The following GALNT10 variants were observed in gnomAD, a reference collection of about 807,000 sequenced individuals.
GALNT10 encodes GalNAc transferase 10.
Under a neutral mutation model 75.0 loss-of-function variants are expected in GALNT10, and 41 were observed. That is an observed-to-expected ratio of 0.55 (90% CI 0.43 to 0.71). GALNT10 has a LOEUF of 0.71. GALNT10 is among the 30% of genes least tolerant of loss of function. The pLI is 0.00. For synonymous variants in GALNT10, 302 were observed against 313.0 expected, an observed-to-expected ratio of 0.96 and a Z score of 0.37; for missense variants, 727 against 818.5, an observed-to-expected ratio of 0.89 and a Z score of 1.36.
intron 4 of GALNT10, among the ~76,000 whole-genome samples, chr5:154,355,247 T>TC (rs545079097): frequency 2.0e-5 from 3 of 151,978 alleles, no homozygotes; most frequent in East Asian, 1.9e-4. Flanking sequence ...TTCCTGCTCC[T>TC]CCCCCCTCAC....
intron 1 of GALNT10, among the ~76,000 whole-genome samples, chr5:154,233,736 C>T (rs1753201196): frequency 1.3e-5 from 2 of 152,156 alleles, no homozygotes; most frequent in South Asian, 4.1e-4. Context: ...CTGTGCTAGG[C>T]CCTGAGGATA....
intron 4 of GALNT10, among the ~76,000 whole-genome samples, chr5:154,333,248 G>A (rs545949998): frequency 1.3e-5 from 2 of 152,290 alleles, no homozygotes; most frequent in South Asian, 4.1e-4. Flanking sequence ...GCCTGGAGCA[G>A]TAGGCAGACT....
intron 4 of GALNT10, among the ~76,000 whole-genome samples, chr5:154,354,033 G>A (rs116153595): frequency 0.01 from 1,561 of 152,314 alleles, 24 homozygotes; most frequent in African/African-American, 0.036. Context: ...TTGAGTACTT[G>A]AATCGCAACC....
chr5:154,395,994 TG>T (rs766978774), intron 7 of GALNT10, among the ~76,000 whole-genome samples: 2 of 151,862 alleles, frequency 1.3e-5, no homozygotes, highest in Non-Finnish European at 2.9e-5. Flanking sequence ...AATGAATAGG[TG>T]GGAGGTTGTG....
intron 1 of GALNT10, among the ~76,000 whole-genome samples, chr5:154,281,564 C>T (rs2113054903): frequency 6.6e-6 from 1 of 152,290 alleles, no homozygotes; most frequent in Non-Finnish European, 1.5e-5. Context: ...TAAGGTCCTG[C>T]TCTTCATAAA....
chr5:154,312,921 T>C (rs1164579746), intron 3 of GALNT10, among the ~76,000 whole-genome samples: 1 of 152,216 alleles, frequency 6.6e-6, no homozygotes, highest in Non-Finnish European at 1.5e-5. Flanking sequence ...AGCTTGAGTA[T>C]GTGGAATATA....
intron 1 of GALNT10, among the ~76,000 whole-genome samples, chr5:154,267,041 A>G (rs1437916164): frequency 6.6e-6 from 1 of 152,186 alleles, no homozygotes; most frequent in East Asian, 1.9e-4. Context: ...ATGCCTTTGT[A>G]TGGTCTTTCA....
chr5:154,343,218 A>T lies in GALNT10; in HGVS notation c.568+13480A>T, dbSNP rs1032478334. Among the ~76,000 whole-genome samples, 8 of 151,034 alleles carry T rather than the reference A, an allele frequency of 5.3e-5. No individual in the cohort carries two copies. In the East Asian group the frequency reaches 1.6e-3, roughly 29 times the overall value. ...CAGTTCTGGGACCCTGAGCTGAGAA[A>T]CTCTGCCTTCAGATGTTACTGCTGG... On this transcript the variant is annotated intron_variant, in intron 4 of 11. Transcript: ENST00000297107.
chr5:154,377,120 C>T (rs560832231), intron 5 of GALNT10, among the ~76,000 whole-genome samples: 1 of 152,286 alleles, frequency 6.6e-6, no homozygotes, highest in African/African-American at 2.4e-5. Flanking sequence ...GAGAGGGCAG[C>T]GTGATCCACT....
At position 154,369,730 on chromosome 5, in the gene GALNT10, G is replaced by A. The variant is rs370025694; in HGVS notation, c.569-6547G>A. Among the ~76,000 whole-genome samples the A allele has an allele frequency of 3.0e-4, 45 of 152,250 alleles. 1 individual carries two copies. In the South Asian group the frequency reaches 7.9e-3, roughly 27 times the overall value. On this transcript the variant is annotated intron_variant, in intron 4 of 11. Transcript: ENST00000297107. ...GCAGAGCCAAGATTTGACAAGACCC[G>A]GGACACCTACAGGTCCCAGAGCCAG... is the stretch of plus-strand genomic sequence containing the variant.
At chr5:154,245,856 G>A (rs561405002) in intron 1 of GALNT10, among the ~76,000 whole-genome samples, 1 of 149,334 alleles carries the variant, frequency 6.7e-6, no homozygotes, top group South Asian at 2.1e-4. Context: ...TGTGCACAAC[G>A]TGCAGGTTTG....
At chr5:154,341,664 A>G (rs1260928188) in intron 4 of GALNT10, among the ~76,000 whole-genome samples, 1 of 152,240 alleles carries the variant, frequency 6.6e-6, no homozygotes, top group Non-Finnish European at 1.5e-5. Context: ...GCAAGAGGAA[A>G]GACTAGCCCT....
chr5:154,264,313 CAAAAAAAA>C (rs372645621), intron 1 of GALNT10, among the ~76,000 whole-genome samples: 27 of 105,190 alleles, frequency 2.6e-4, no homozygotes, highest in African/African-American at 9.1e-4. Context: ...ACTCTGTCTC[CAAAAAAAA>C]AAAAAAAAAG....
chr5:154,399,544 C>T (rs916372033), intron 7 of GALNT10, among the ~76,000 whole-genome samples: 3 of 152,158 alleles, frequency 2.0e-5, no homozygotes, highest in Non-Finnish European at 4.4e-5. Context: ...ACCTCGGGCT[C>T]CCTGCTCATG....
At chr5:154,317,473 C>T (rs1754611324) in intron 3 of GALNT10, among the ~76,000 whole-genome samples, 1 of 152,172 alleles carries the variant, frequency 6.6e-6, no homozygotes, top group African/African-American at 2.4e-5. Context: ...GCTGTTTGGT[C>T]ACAAGCAAGC....
intron 3 of GALNT10, among the ~76,000 whole-genome samples, chr5:154,311,592 G>C (rs74561650): frequency 6.6e-6 from 1 of 151,420 alleles, no homozygotes; most frequent in African/African-American, 2.4e-5. Flanking sequence ...CCTGAAACCC[G>C]TGTCTCACAG....
intron 1 of GALNT10, among the ~76,000 whole-genome samples, chr5:154,192,331 C>T (rs960708582): frequency 6.6e-5 from 10 of 152,358 alleles, no homozygotes; most frequent in African/African-American, 2.4e-4. Flanking sequence ...GTAGAGCTTA[C>T]TGTTTAGAAA....
At chr5:154,221,237 G>C (rs1211951829) in intron 1 of GALNT10, among the ~76,000 whole-genome samples, 1 of 152,180 alleles carries the variant, frequency 6.6e-6, no homozygotes, top group African/African-American at 2.4e-5. Context: ...GGGTGAATAG[G>C]TAGTTATGTC....
chr5:154,293,063 G>T (rs1161145796), intron 1 of GALNT10, among the ~76,000 whole-genome samples: 1 of 152,146 alleles, frequency 6.6e-6, no homozygotes, highest in African/African-American at 2.4e-5. Context: ...ATAGGAGAAA[G>T]AATACAAAGG....
Sources: gnomAD v4.1 joint callset for allele counts (sites outside exome capture counted in the v4.1 genomes callset) on GRCh38, gnomAD v4.1.1 for gene constraint, MANE v1.5 for transcripts, NCBI Gene and HGNC (gene_info 2026-07-23, HGNC 2026-07-21) for gene names.